The following CEP85L variants were observed in gnomAD, a reference collection of about 807,000 sequenced individuals.
The protein encoded by CEP85L is centrosomal protein 85L, also known as centrosomal protein of 85 kDa-like.
CEP85L carries 60 observed loss-of-function variants against 100.3 expected under a neutral mutation model. The ratio of observed to expected loss-of-function variants is 0.60; its 90% CI spans 0.49 to 0.74. CEP85L has a LOEUF of 0.74. Ranked by LOEUF, CEP85L falls within the 30% of genes least tolerant of loss-of-function variation. The pLI, the probability that CEP85L is intolerant of heterozygous loss-of-function variation, is 0.00. For missense variants in CEP85L, 973 were observed against 936.2 expected (o/e 1.04, Z -0.51); for synonymous variants, 319 against 322.7 (o/e 0.99, Z 0.12).
At chr6:118,481,971 T>C in intron 7 of CEP85L, 38 bp from the exon 8 acceptor site, 1 of 1,291,818 alleles carries the variant, frequency 7.7e-7, no homozygotes. Flanking sequence ...ACACATGAAA[T>C]ATTAAATACG....
intron 2 of CEP85L, among the ~76,000 whole-genome samples, chr6:118,613,346 A>G (rs7769001): frequency 0.47 from 70,822 of 152,128 alleles, 16,991 homozygotes; most frequent in Middle Eastern, 0.57. Flanking sequence ...GGTGAAATCA[A>G]CCACTTCCTC....
At chr6:118,534,177 C>T (rs1456966996) in intron 3 of CEP85L, among the ~76,000 whole-genome samples, 1 of 152,118 alleles carries the variant, frequency 6.6e-6, no homozygotes, top group African/African-American at 2.4e-5. Flanking sequence ...CAATAAGTGA[C>T]TTTAACAAGA....
At chr6:118,484,897 T>C (rs1774066049) in intron 6 of CEP85L, among the ~76,000 whole-genome samples, 1 of 152,210 alleles carries the variant, frequency 6.6e-6, no homozygotes. Context: ...CAAGCAACAC[T>C]AGTTTAAGGC....
chr6:118,652,822 G>T (rs778287413), upstream of CEP85L: 2 of 1,107,146 alleles, frequency 1.8e-6, no homozygotes, highest in South Asian at 1.4e-5. Context: ...ATGATAAAAA[G>T]ATACAGAAAC....
chr6:118,512,642 C>T (rs990618801), intron 4 of CEP85L, among the ~76,000 whole-genome samples: 1 of 151,688 alleles, frequency 6.6e-6, no homozygotes, highest in Non-Finnish European at 1.5e-5. Flanking sequence ...ATTATCTGAT[C>T]CAAAAAAAAT....
At chr6:118,582,646 C>T (rs1369150530) in intron 2 of CEP85L, among the ~76,000 whole-genome samples, 1 of 152,152 alleles carries the variant, frequency 6.6e-6, no homozygotes, top group Middle Eastern at 3.2e-3. Context: ...TATGGAAGAC[C>T]AGGGCCAAAC....
At chr6:118,658,485 C>T (rs1252821566) in intron 1 of CEP85L, among the ~76,000 whole-genome samples, 1 of 152,094 alleles carries the variant, frequency 6.6e-6, no homozygotes, top group Admixed American at 6.6e-5. Context: ...GTCCTGCCGT[C>T]CTTATAATCT....
chr6:118,520,278 A>G (rs1290072031), intron 4 of CEP85L, among the ~76,000 whole-genome samples: 1 of 152,262 alleles, frequency 6.6e-6, no homozygotes, highest in Non-Finnish European at 1.5e-5. Context: ...AATCACAGAC[A>G]ACATGATCGT....
rs942833933 is a variant in CEP85L, at chr6:118,541,053, GA to G, written c.1021-17134del. Among the ~76,000 whole-genome samples, 36 of 151,812 alleles carry G rather than the reference GA, an allele frequency of 2.4e-4. No individual in the cohort carries two copies. In the East Asian group the frequency reaches 6.8e-3, roughly 29 times the overall value. On this transcript the variant is annotated intron_variant, in intron 3 of 12. Coordinates refer to ENST00000368491, the MANE Select transcript of CEP85L (RefSeq NM_001042475.3). Reference sequence around the variant, plus strand: ...TGTTACTTTTTCAAGTTAGCTAAGGGAAAAAAAATCAATGTATTAATACTGG... The same window carrying G: ...TGTTACTTTTTCAAGTTAGCTAAGGGAAAAAAATCAATGTATTAATACTGG...
At chr6:118,680,306 CTTTTTTT>C (rs57764027) in intron 1 of CEP85L, among the ~76,000 whole-genome samples, 562 of 56,188 alleles carry the variant, frequency 0.01, 3 homozygotes, top group South Asian at 0.046. Flanking sequence ...CTTGGTGTTG[CTTTTTTT>C]TTTTTTTTTT....
chr6:118,657,231 C>T (rs1321750614), upstream of CEP85L: 2 of 152,298 alleles, frequency 1.3e-5, no homozygotes, highest in Non-Finnish European at 2.9e-5. Context: ...GGATGAGTTA[C>T]CAGGAAGGCA....
At chr6:118,485,834 C>T (rs1774141973) in intron 6 of CEP85L, among the ~76,000 whole-genome samples, 3 of 152,226 alleles carry the variant, frequency 2.0e-5, no homozygotes, top group South Asian at 2.1e-4. Context: ...TGACCCTGTA[C>T]ATTACAGAGG....
At chr6:118,498,976 C>T (rs1016546959) in intron 5 of CEP85L, among the ~76,000 whole-genome samples, 1 of 152,120 alleles carries the variant, frequency 6.6e-6, no homozygotes, top group African/African-American at 2.4e-5. Context: ...TCCCAAAATA[C>T]CTGGAGATTA....
chr6:118,567,249 G>GTATATA (rs57181233), intron 2 of CEP85L, among the ~76,000 whole-genome samples: 20 of 43,772 alleles, frequency 4.6e-4, no homozygotes, highest in Non-Finnish European at 6.7e-4. Flanking sequence ...GTGTGTGTGT[G>GTATATA]TATATATATA....
intron 7 of CEP85L, among the ~76,000 whole-genome samples, chr6:118,482,943 A>G (rs1438725909): frequency 1.3e-5 from 2 of 152,192 alleles, no homozygotes; most frequent in African/African-American, 2.4e-5. Flanking sequence ...ACATTTGGAA[A>G]TATCTGTTTA....
At chr6:118,521,010 G>A (rs934079287) in intron 4 of CEP85L, among the ~76,000 whole-genome samples, 14 of 151,866 alleles carry the variant, frequency 9.2e-5, no homozygotes, top group African/African-American at 3.1e-4. Flanking sequence ...AAAGTTATAC[G>A]CAGTGTGAAA....
chr6:118,532,873 C>T (rs58900896), intron 3 of CEP85L, among the ~76,000 whole-genome samples: 1,997 of 152,044 alleles, frequency 0.013, 62 homozygotes, highest in African/African-American at 0.046. Flanking sequence ...AAAGCAAATA[C>T]AGAATTCAAA....
chr6:118,653,415 T>G (rs1437901707), upstream of CEP85L, among the ~76,000 whole-genome samples: 1 of 152,112 alleles, frequency 6.6e-6, no homozygotes, highest in Non-Finnish European at 1.5e-5. Flanking sequence ...TGCTAAAGTA[T>G]CCATTTCTTT....
In CEP85L at chr6:118,600,299, GGGTGTGTGTGTGTGTGT is replaced by G. The variant is rs1781677701; in HGVS notation, c.232+32137_232+32153del. Among the ~76,000 whole-genome samples the G allele has an allele frequency of 3.9e-4, 35 of 89,012 alleles. 4 individuals are homozygous for G. The highest frequency in any genetic ancestry group is 1.3e-3 in the African/African-American group (31 of 23,208). 58.4% of individuals were successfully genotyped at this position (89,012 alleles called of 152,430 possible). On this transcript the variant is annotated intron_variant, in intron 2 of 12. Coordinates refer to ENST00000368491, the MANE Select transcript of CEP85L (RefSeq NM_001042475.3). ...ACTGCCTGTCCCTGAGCCTTCCTGG[GGGTGTGTGTGTGTGTGT>G]GTGTGTGTGTGTGTGTGTGTGTGTG...
Sources: allele counts gnomAD v4.1 joint callset (sites outside exome capture counted in the v4.1 genomes callset), GRCh38; gene constraint gnomAD v4.1.1; transcripts MANE v1.5; gene names NCBI Gene and HGNC (gene_info 2026-07-23, HGNC 2026-07-21).